Variants in SUSD1 observed in about 807,000 individuals in gnomAD.
SUSD1 encodes the protein sushi domain-containing protein 1.
A neutral mutation model predicts 86.9 loss-of-function variants in SUSD1; 65 were observed. The observed-to-expected ratio is 0.75, with a 90% CI of 0.61 to 0.92. The LOEUF is 0.92. Among genes scored for constraint, SUSD1 ranks in the 40% least tolerant of loss-of-function variants. The pLI, the probability that SUSD1 is intolerant of heterozygous loss-of-function variation, is 0.00. For missense variants in SUSD1, 850 were observed against 929.7 expected (o/e 0.91, Z 1.11); for synonymous variants, 346 against 350.0 (o/e 0.99, Z 0.13).
At chr9:112,167,005 A>G (rs764562402) in intron 1 of SUSD1, among the ~76,000 whole-genome samples, 34 of 152,144 alleles carry the variant, frequency 2.2e-4, no homozygotes, top group Non-Finnish European at 4.3e-4. Flanking sequence ...CTAAAACTAC[A>G]CCTAACAATG....
intron 1 of SUSD1, among the ~76,000 whole-genome samples, chr9:112,167,568 A>T (rs942198137): frequency 6.6e-6 from 1 of 152,378 alleles, no homozygotes; most frequent in Non-Finnish European, 1.5e-5. Flanking sequence ...ACAGTCTGCA[A>T]GATGCAGTGC....
chr9:112,175,155 G>A lies in SUSD1; in HGVS notation c.81C>T (p.Ala27=). Residue 27 remains alanine (A), a synonymous_variant, in exon 1 of 17, where the codon GCC becomes GCT. Transcript: ENST00000374270. This position sits in a 1 kb window ranked among gnomAD's most constrained non-coding sequence, Gnocchi z 4.7. ...CACCGTCGGGGCCCGGCGCTCCCGC[G>A]GCGCCGCGGGCCAGGCCGAGCAGCA... ...LLLLLGLARG[A]AGAPGPDGLD... 9.3e-6 allele frequency: 10 copies of A among 1,076,682 alleles called. No individual in the cohort carries two copies. The highest frequency in any genetic ancestry group is 1.1e-5 in the Non-Finnish European group (10 of 891,732). 66.7% of individuals were successfully genotyped at this position (1,076,682 alleles called of 1,614,324 possible). A position where few individuals can be genotyped will look rare whatever the true frequency, so the allele number is the denominator to read the frequency against.
intron 2 of SUSD1, among the ~76,000 whole-genome samples, chr9:112,156,902 A>G (rs1280337942): frequency 6.6e-6 from 1 of 152,220 alleles, no homozygotes; most frequent in Non-Finnish European, 1.5e-5. Context: ...CTCTCTCTGA[A>G]TTGAGCTTGA....
At chr9:112,089,684 T>C (rs1053885146) in intron 10 of SUSD1, among the ~76,000 whole-genome samples, 1 of 151,798 alleles carries the variant, frequency 6.6e-6, no homozygotes, top group African/African-American at 2.4e-5. Context: ...TGGTGGTACA[T>C]GCCTGTAGTC....
chr9:112,052,358 A>G (rs368934645), intron 15 of SUSD1, 41 bp downstream of exon 15: 374 of 1,613,650 alleles, frequency 2.3e-4, no homozygotes, highest in Non-Finnish European at 2.9e-4. Context: ...TGCTGCAGAA[A>G]AGAAATAAGG....
intron 10 of SUSD1, among the ~76,000 whole-genome samples, chr9:112,091,329 A>T (rs972920027): frequency 4.6e-5 from 7 of 152,210 alleles, no homozygotes; most frequent in African/African-American, 1.7e-4. Flanking sequence ...AATTCTGTGA[A>T]CAGGAATCCA....
At chr9:112,057,459 C>T (rs1017009831) in intron 14 of SUSD1, among the ~76,000 whole-genome samples, 8 of 152,182 alleles carry the variant, frequency 5.3e-5, no homozygotes, top group African/African-American at 1.9e-4. Context: ...AAGTAATTTT[C>T]TAATGAAAAG....
intron 13 of SUSD1, among the ~76,000 whole-genome samples, chr9:112,060,615 A>G (rs1299544943): frequency 6.6e-6 from 1 of 152,154 alleles, no homozygotes; most frequent in Non-Finnish European, 1.5e-5. Context: ...TGATTTTCAT[A>G]AAGTCTTGGC....
At chr9:112,158,753 C>T (rs887735131) in intron 1 of SUSD1, among the ~76,000 whole-genome samples, 4 of 152,156 alleles carry the variant, frequency 2.6e-5, no homozygotes, top group Non-Finnish European at 4.4e-5. Flanking sequence ...AACACTGGCA[C>T]ATTCCCTATC....
At chr9:112,173,583 G>C in intron 1 of SUSD1, 1 of 382,338 alleles carries the variant, frequency 2.6e-6, no homozygotes. Context: ...AACTGAAGCT[G>C]GAGCTGCAGC....
At chr9:112,100,017 G>C (rs79927492) in intron 9 of SUSD1, among the ~76,000 whole-genome samples, 6 of 152,084 alleles carry the variant, frequency 3.9e-5, no homozygotes, top group African/African-American at 1.4e-4. Flanking sequence ...GCTCCTCCAC[G>C]GTCTGGCAGT....
Position 112,145,051 on chromosome 9 carries a change from G to A in SUSD1, c.374-1428C>T, listed in dbSNP as rs758571127. Among the ~76,000 whole-genome samples, 9 of 151,940 alleles carry A rather than the reference G, an allele frequency of 5.9e-5. No individual in the cohort carries two copies. The South Asian group carries it at 6.2e-4, about 11-fold the overall frequency. On this transcript the variant is annotated intron_variant, in intron 3 of 16. Coordinates refer to ENST00000374270, the MANE Select transcript of SUSD1 (RefSeq NM_022486.5). Reference sequence around the variant, plus strand: ...AAGTCCGGGAGTTCAAGGCCGGCCTGGGCAACACAGCAAGACCCTCATCTC... The same window carrying A: ...AAGTCCGGGAGTTCAAGGCCGGCCTAGGCAACACAGCAAGACCCTCATCTC...
intron 5 of SUSD1, among the ~76,000 whole-genome samples, chr9:112,131,064 G>A (rs1832014668): frequency 6.6e-6 from 1 of 152,028 alleles, no homozygotes; most frequent in African/African-American, 2.4e-5. Flanking sequence ...CTTCAAGGTA[G>A]GTGGAAACTA....
intron 10 of SUSD1, among the ~76,000 whole-genome samples, chr9:112,089,811 C>CAAAAAAAAAAAAAAAAAAAAAA (rs3983407): frequency 1.7e-5 from 2 of 115,954 alleles, no homozygotes; most frequent in African/African-American, 3.1e-5. Flanking sequence ...GATTCCATCT[C>CAAAAAAAAAAAAAAAAAAAAAA]AAAAAAAAAA....
chr9:112,134,683 T>A (rs118191711), intron 5 of SUSD1, among the ~76,000 whole-genome samples: 256 of 152,012 alleles, frequency 1.7e-3, no homozygotes, highest in Non-Finnish European at 3.0e-3. Flanking sequence ...ATCATTCATA[T>A]CCCAAATCTC....
chr9:112,115,813 A>AAAAAAAAAAAG (rs1184185120), intron 6 of SUSD1, among the ~76,000 whole-genome samples: 2 of 15,930 alleles, frequency 1.3e-4, no homozygotes, highest in Non-Finnish European at 2.0e-4. Flanking sequence ...CATTGCAAAA[A>AAAAAAAAAAAG]AAAAAAAAAA....
chr9:112,098,379 C>T, intron 10 of SUSD1, 91 bp downstream of exon 10: 1 of 1,341,310 alleles, frequency 7.5e-7, no homozygotes, highest in South Asian at 1.4e-5. Context: ...TCTCTTGACT[C>T]CCAAACTAGC....
At chr9:112,123,459 G>A (rs1294762852) in intron 6 of SUSD1, among the ~76,000 whole-genome samples, 1 of 152,058 alleles carries the variant, frequency 6.6e-6, no homozygotes, top group Non-Finnish European at 1.5e-5. Flanking sequence ...TCCAACACTG[G>A]AGACCACATT....
chr9:112,138,270 T>TATATATGTATATACAC (rs1832393523), intron 5 of SUSD1, among the ~76,000 whole-genome samples: 3 of 131,148 alleles, frequency 2.3e-5, no homozygotes, highest in African/African-American at 8.5e-5. Flanking sequence ...TATATACATA[T>TATATATGTATATACAC]ATATATATAT....
Sources: allele counts gnomAD v4.1 joint callset (sites outside exome capture counted in the v4.1 genomes callset), GRCh38; gene constraint gnomAD v4.1.1; non-coding constraint Gnocchi (gnomAD v3.1); transcripts MANE v1.5; gene names NCBI Gene and HGNC (gene_info 2026-07-23, HGNC 2026-07-21).